The following TTLL5 variants were observed in gnomAD, a reference collection of about 807,000 sequenced individuals.
TTLL5 encodes tubulin tyrosine ligase like 5.
A neutral mutation model predicts 168.4 loss-of-function variants in TTLL5; 132 were observed. The observed-to-expected ratio is 0.78, with a 90% CI of 0.68 to 0.91. The LOEUF (loss-of-function observed/expected upper bound fraction) is 0.91, where lower values mean the gene tolerates loss of function less well. TTLL5 is among the 40% of genes least tolerant of loss of function. The pLI is 0.00. For synonymous variants in TTLL5, 546 were observed against 558.6 expected (o/e 0.98, Z 0.32); for missense variants, 1,545 against 1,581.5 (o/e 0.98, Z 0.39).
chr14:75,740,308 G>T (rs186112283), intron 15 of TTLL5, among the ~76,000 whole-genome samples: 8 of 151,888 alleles, frequency 5.3e-5, no homozygotes, highest in Non-Finnish European at 1.2e-4. Context: ...AAGTTATTAG[G>T]GATTTTTTCC....
intron 12 of TTLL5, among the ~76,000 whole-genome samples, chr14:75,726,129 T>C (rs1296727110): frequency 6.6e-6 from 1 of 152,188 alleles, no homozygotes; most frequent in East Asian, 1.9e-4. Context: ...GATCCAAAAT[T>C]AGTGGTGTGA....
At chr14:75,927,567 G>C (rs1407238996) in intron 31 of TTLL5, among the ~76,000 whole-genome samples, 1 of 152,162 alleles carries the variant, frequency 6.6e-6, no homozygotes, top group Non-Finnish European at 1.5e-5. Flanking sequence ...TACGTATTTA[G>C]TGTGTCCTGT....
At chr14:75,806,335 T>G (rs758481777) in intron 27 of TTLL5, among the ~76,000 whole-genome samples, 4 of 152,182 alleles carry the variant, frequency 2.6e-5, no homozygotes, top group Non-Finnish European at 5.9e-5. Context: ...CCGGCCATAA[T>G]GGATCCTTTC....
At chr14:75,783,934 C>G (rs539295009) in intron 26 of TTLL5, among the ~76,000 whole-genome samples, 46 of 152,238 alleles carry the variant, frequency 3.0e-4, no homozygotes, top group African/African-American at 1.1e-3. Context: ...CCAAAGAATT[C>G]TTAGAATAGG....
intron 24 of TTLL5, among the ~76,000 whole-genome samples, chr14:75,780,306 A>G (rs1344705222): frequency 2.0e-5 from 3 of 152,088 alleles, no homozygotes; most frequent in African/African-American, 7.2e-5. Flanking sequence ...AGTCTAATAT[A>G]CTTGGTTCCA....
intron 30 of TTLL5, among the ~76,000 whole-genome samples, chr14:75,892,004 A>G (rs2032426790): frequency 6.6e-6 from 1 of 152,168 alleles, no homozygotes; most frequent in Non-Finnish European, 1.5e-5. Context: ...AAGAAATCAC[A>G]TTTGTTTTGT....
chr14:75,822,942 T>C (rs1430354835), intron 28 of TTLL5, among the ~76,000 whole-genome samples: 1 of 152,190 alleles, frequency 6.6e-6, no homozygotes, highest in Non-Finnish European at 1.5e-5. Context: ...CTAGACACTC[T>C]GGAGTTGGAC....
intron 28 of TTLL5, among the ~76,000 whole-genome samples, chr14:75,846,588 C>G (rs534439155): frequency 1.3e-5 from 2 of 151,886 alleles, no homozygotes; most frequent in Non-Finnish European, 2.9e-5. Context: ...ATCGGGAGTT[C>G]GAGACCAGCC....
intron 28 of TTLL5, among the ~76,000 whole-genome samples, chr14:75,826,924 A>AAGAT (rs1555349411): frequency 3.7e-4 from 1 of 2,680 alleles, no homozygotes; most frequent in East Asian, 0.025. Flanking sequence ...CCTTTAACTA[A>AAGAT]CCCACCTGCC....
intron 28 of TTLL5, among the ~76,000 whole-genome samples, chr14:75,839,342 A>C (rs576223494): frequency 6.6e-6 from 1 of 152,202 alleles, no homozygotes; most frequent in Non-Finnish European, 1.5e-5. Context: ...GCAGTGCACA[A>C]GGGTTCCAAT....
chr14:75,751,775 A>G (rs917404561), intron 17 of TTLL5, among the ~76,000 whole-genome samples: 129 of 152,278 alleles, frequency 8.5e-4, no homozygotes, highest in Middle Eastern at 6.8e-3. Flanking sequence ...AGACCCCAAG[A>G]GAGGGTTCTT....
At chr14:75,927,560 G>A (rs1445623645) in intron 31 of TTLL5, among the ~76,000 whole-genome samples, 1 of 152,168 alleles carries the variant, frequency 6.6e-6, no homozygotes, top group Non-Finnish European at 1.5e-5. Flanking sequence ...TGATCAATAC[G>A]TATTTAGTGT....
chr14:75,667,529 T>C (rs559389524), intron 2 of TTLL5, among the ~76,000 whole-genome samples: 2 of 152,328 alleles, frequency 1.3e-5, no homozygotes, highest in Admixed American at 1.3e-4. Flanking sequence ...AAAGGTACCC[T>C]ATCAGCACCG....
chr14:75,923,391 G>A (rs1055189456), intron 31 of TTLL5, among the ~76,000 whole-genome samples: 14 of 152,140 alleles, frequency 9.2e-5, no homozygotes, highest in African/African-American at 3.4e-4. Flanking sequence ...ATGTGTCCCA[G>A]AGATTCTGGT....
At chr14:75,680,805 T>TTG (rs1884548128) in intron 3 of TTLL5, among the ~76,000 whole-genome samples, 1 of 151,834 alleles carries the variant, frequency 6.6e-6, no homozygotes, top group Non-Finnish European at 1.5e-5. Flanking sequence ...TTTGTATTTT[T>TTG]AAGTAGAGAT....
intron 27 of TTLL5, among the ~76,000 whole-genome samples, chr14:75,812,242 G>A (rs1375971366): frequency 2.6e-5 from 4 of 152,120 alleles, no homozygotes; most frequent in African/African-American, 7.2e-5. Context: ...GGAGCAGGGG[G>A]AGGAGGAGGA....
intron 15 of TTLL5, among the ~76,000 whole-genome samples, chr14:75,741,181 A>T (rs1337251891): frequency 6.6e-6 from 1 of 152,218 alleles, no homozygotes. Flanking sequence ...CTCTGGGAAG[A>T]TTTCTGAATC....
intron 15 of TTLL5, 25 bp downstream of exon 15, chr14:75,735,314 C>G: frequency 2.5e-6 from 4 of 1,610,256 alleles, no homozygotes; most frequent in South Asian, 2.2e-5. Context: ...CAGCAGGGAG[C>G]CTGAAGGAGG....
At chr14:75,825,269 C>G (rs1274924870) in intron 28 of TTLL5, among the ~76,000 whole-genome samples, 1 of 152,148 alleles carries the variant, frequency 6.6e-6, no homozygotes, top group Non-Finnish European at 1.5e-5. Flanking sequence ...TTGCTCACCA[C>G]TTAGTTTAGT....
Sources: allele counts gnomAD v4.1 joint callset (sites outside exome capture counted in the v4.1 genomes callset), GRCh38; gene constraint gnomAD v4.1.1; transcripts MANE v1.5; gene names NCBI Gene and HGNC (gene_info 2026-07-23, HGNC 2026-07-21).